The following LMBR1 variants were observed in gnomAD, a reference collection of about 807,000 sequenced individuals.
LMBR1 encodes limb region 1 protein homolog.
LMBR1 carries 52 observed loss-of-function variants against 73.9 expected under a neutral mutation model. The ratio of observed to expected loss-of-function variants is 0.70; its 90% CI spans 0.56 to 0.89. The LOEUF is 0.89. Ranked by LOEUF, LMBR1 falls within the 40% of genes least tolerant of loss-of-function variation. The probability of loss-of-function intolerance (pLI) is 0.00; values close to 1 mark genes in which losing one functional copy is unlikely to be tolerated. For synonymous variants in LMBR1, 215 were observed against 209.4 expected, an observed-to-expected ratio of 1.03 and a Z score of -0.23; for missense variants, 539 against 579.8, an observed-to-expected ratio of 0.93 and a Z score of 0.72.
chr7:156,847,309 A>T (rs778296536), intron 1 of LMBR1, among the ~76,000 whole-genome samples: 3 of 152,176 alleles, frequency 2.0e-5, no homozygotes, highest in Non-Finnish European at 2.9e-5. Context: ...TTACAAACCT[A>T]AATGCAAAAC....
chr7:156,698,003 C>T (rs1434332550), intron 15 of LMBR1, among the ~76,000 whole-genome samples: 1 of 152,232 alleles, frequency 6.6e-6, no homozygotes, highest in African/African-American at 2.4e-5. Flanking sequence ...TGGTCCGTGA[C>T]TTCCCGCAAC....
rs58107543 is a variant in LMBR1 at position 156,891,190 on chromosome 7, C to CAAAAAAAAAAAAA, written c.66+1725_66+1737dup. On this transcript the variant is annotated intron_variant, in intron 1 of 16. Coordinates refer to ENST00000353442, the MANE Select transcript of LMBR1 (RefSeq NM_022458.4). ...TGGGAGACAGAGCGAGACTCCATCA[C>CAAAAAAAAAAAAA]AAAAAAAAAAAAAAAAAAAAAATAT... 2.9e-4 allele frequency among the ~76,000 whole-genome samples: 6 copies of CAAAAAAAAAAAAA among 20,674 alleles called. 2 individuals carry two copies. Among genetic ancestry groups the CAAAAAAAAAAAAA allele is most frequent in the African/African-American group, 1.3e-3 (6 of 4,542 alleles). The allele number at this position is 20,674 out of a possible 152,430, so 13.6% of individuals were successfully genotyped here. A position where few individuals can be genotyped will look rare whatever the true frequency, so the allele number is the denominator to read the frequency against.
At position 156,728,658 on chromosome 7, in the gene LMBR1, G is replaced by A; in HGVS notation, c.901C>T (p.Leu301Phe). The part of the protein sequence containing the change: ...NLVYPAVMVL[L>F]LIETSISVLL... Reference sequence around the variant, plus strand: ...TAAATTCTTACTGTCTCAATAAGAAGGAGAACCATAACAGCGGGATACACC... The same window carrying A: ...TAAATTCTTACTGTCTCAATAAGAAAGAGAACCATAACAGCGGGATACACC... The change falls in exon 11 of 17, where the codon CTT (leucine) becomes TTT (phenylalanine). Residue 301 changes from leucine (L) to phenylalanine (F), a missense_variant. Physicochemically the swap from Leu to Phe is conservative, Grantham distance 22. Transcript: ENST00000353442. 6.3e-7 allele frequency: 1 copy of A among 1,596,932 alleles called. No homozygotes were observed. The highest frequency in any genetic ancestry group is 1.8e-5 in the Admixed American group (1 of 54,958).
chr7:156,793,456 CCTT>C (rs1432162289), intron 5 of LMBR1, among the ~76,000 whole-genome samples: 1 of 152,184 alleles, frequency 6.6e-6, no homozygotes, highest in African/African-American at 2.4e-5. Context: ...CTAGAACACA[CCTT>C]ATCTTCAAAC....
intron 15 of LMBR1, among the ~76,000 whole-genome samples, chr7:156,708,300 A>T (rs571480347): frequency 3.9e-5 from 6 of 152,358 alleles, no homozygotes; most frequent in African/African-American, 1.4e-4. Context: ...CATGAGACAC[A>T]GGCAAAAAAC....
In LMBR1 at chr7:156,762,197, C is replaced by T. The variant is rs374225062; in HGVS notation, c.621G>A (p.Leu207=). 95 of 1,606,704 alleles carry T rather than the reference C, an allele frequency of 5.9e-5. No homozygotes were observed. Among genetic ancestry groups the T allele is most frequent in the Non-Finnish European group, 7.0e-5 (82 of 1,173,992 alleles). The change falls in exon 8 of 17, where the codon TTG becomes TTA. Residue 207 remains leucine (L), a splice_region_variant and synonymous_variant. Transcript: ENST00000353442. ...ISLMGCLLLL[L]CTPVGLSRMF... is the part of the protein sequence containing the mutation. The stretch of plus-strand genomic sequence containing the variant: ...TACGAGAAAGGCCAACTGGTGTACA[C>T]ACTGCAGAAATAAGATCACCAAAAG...
rs1202594468 is a variant in LMBR1, at chr7:156,784,308, C to A, written c.423+12081G>T. Among the ~76,000 whole-genome samples, 3 of 152,234 alleles carry A rather than the reference C, an allele frequency of 2.0e-5. No individual in the cohort carries two copies. The East Asian group carries it at 5.8e-4, about 29-fold the overall frequency. On this transcript the variant is annotated intron_variant, in intron 5 of 16. Coordinates refer to ENST00000353442, the MANE Select transcript of LMBR1 (RefSeq NM_022458.4). ...TCCGTATTTAAGAACTCTTGTCCTG[C>A]TTGTTCTCCCTATCATCTCCTGCCT...
At chr7:156,709,784 A>G (rs576194691) in intron 15 of LMBR1, among the ~76,000 whole-genome samples, 2 of 152,256 alleles carry the variant, frequency 1.3e-5, no homozygotes, top group African/African-American at 4.8e-5. Flanking sequence ...AATTCTGGCA[A>G]TATAAAAAAC....
chr7:156,728,626 A>G lies in LMBR1; in HGVS notation c.915+18T>C. On this transcript the variant is annotated intron_variant, in intron 11 of 16. Transcript: ENST00000353442. ...AAATATAATTTGCTTTTATTTAACTAGGCAAATAAATTCTTACTGTCTCAA... is the reference window on the plus strand; with the variant it reads ...AAATATAATTTGCTTTTATTTAACTGGGCAAATAAATTCTTACTGTCTCAA... 6.4e-7 allele frequency: 1 copy of G among 1,556,802 alleles called. No individual in the cohort carries two copies. Among genetic ancestry groups the G allele is most frequent in the Non-Finnish European group, 8.7e-7 (1 of 1,150,286 alleles).
intron 5 of LMBR1, among the ~76,000 whole-genome samples, chr7:156,770,841 G>A (rs1257219371): frequency 2.0e-5 from 3 of 152,142 alleles, no homozygotes; most frequent in Admixed American, 6.5e-5. Flanking sequence ...TTGAGCCCAG[G>A]AGTTTGAGGT....
chr7:156,824,624 T>C (rs770301323), intron 4 of LMBR1, among the ~76,000 whole-genome samples: 4 of 152,110 alleles, frequency 2.6e-5, no homozygotes, highest in African/African-American at 4.8e-5. Context: ...GGGAGATCAC[T>C]TGAACCCAAG....
At chr7:156,746,693 C>T (rs11761169) in intron 9 of LMBR1, among the ~76,000 whole-genome samples, 6,140 of 152,212 alleles carry the variant, frequency 0.04, 176 homozygotes, top group Non-Finnish European at 0.049. Flanking sequence ...GACAAGACCA[C>T]TCTTTATTAT....
chr7:156,823,922 T>C, intron 4 of LMBR1: 1 of 152,206 alleles, frequency 6.6e-6, no homozygotes, highest in Non-Finnish European at 1.5e-5. Flanking sequence ...AACCAGTCTC[T>C]ACTAAAAATA....
chr7:156,675,097 G>C (rs1299001513), downstream of LMBR1, among the ~76,000 whole-genome samples: 3 of 152,244 alleles, frequency 2.0e-5, no homozygotes. Context: ...AGGCAGCGCA[G>C]ACCGGAAGAG....
intron 5 of LMBR1, among the ~76,000 whole-genome samples, chr7:156,782,190 A>G (rs1827254652): frequency 1.3e-5 from 2 of 152,190 alleles, no homozygotes; most frequent in African/African-American, 2.4e-5. Context: ...TTGTATGGAT[A>G]TATCACGTGT....
At chr7:156,846,861 AAG>A (rs112065824) in intron 1 of LMBR1, among the ~76,000 whole-genome samples, 4,081 of 152,288 alleles carry the variant, frequency 0.027, 200 homozygotes, top group African/African-American at 0.093. Flanking sequence ...AAGAAATGAT[AAG>A]AGTTTGAGGT....
chr7:156,734,816 T>C (rs894981673), intron 9 of LMBR1, among the ~76,000 whole-genome samples: 1 of 152,208 alleles, frequency 6.6e-6, no homozygotes, highest in Admixed American at 6.5e-5. Flanking sequence ...AAAATGACAA[T>C]TGTGAACAGC....
intron 1 of LMBR1, among the ~76,000 whole-genome samples, chr7:156,855,979 A>G (rs142740238): frequency 7.0e-4 from 106 of 152,254 alleles, no homozygotes; most frequent in African/African-American, 2.4e-3. Flanking sequence ...GCAGATCACG[A>G]GGTCAGGAGA....
intron 8 of LMBR1, 43 bp downstream of exon 8, chr7:156,762,091 A>C (rs374936838): frequency 5.5e-6 from 6 of 1,097,914 alleles, no homozygotes; most frequent in Non-Finnish European, 8.3e-6. Flanking sequence ...AAATGTAAAC[A>C]CATTTATTTA....
Sources: allele counts gnomAD v4.1 joint callset (sites outside exome capture counted in the v4.1 genomes callset), GRCh38; gene constraint gnomAD v4.1.1; transcripts MANE v1.5; gene names NCBI Gene and HGNC (gene_info 2026-07-23, HGNC 2026-07-21).